The following GK variants were observed in gnomAD, a reference collection of about 807,000 sequenced individuals.
GK encodes ATP:glycerol 3-phosphotransferase.
Under a neutral mutation model 56.4 loss-of-function variants are expected in GK, and 9 were observed. That is an observed-to-expected ratio of 0.16 (90% CI 0.10 to 0.28). The LOEUF (loss-of-function observed/expected upper bound fraction) is 0.28, where lower values mean the gene tolerates loss of function less well. GK is among the 10% of genes least tolerant of loss of function. GK has a pLI of 1.00. For missense variants in GK, 161 were observed against 431.4 expected, an observed-to-expected ratio of 0.37 and a Z score of 5.55; for synonymous variants, 104 against 144.1, an observed-to-expected ratio of 0.72 and a Z score of 1.99.
chrX:30,675,487 G>A (rs1052726780), intron 3 of GK, among the ~76,000 whole-genome samples: 7 of 105,617 alleles, frequency 6.6e-5, no homozygotes, highest in African/African-American at 1.4e-4. Flanking sequence ...GTGAGCCACC[G>A]CACCCGGCCA....
intron 4 of GK, among the ~76,000 whole-genome samples, chrX:30,688,850 T>A: frequency 8.9e-6 from 1 of 112,215 alleles, no homozygotes; most frequent in East Asian, 2.8e-4. Context: ...GAATGTTATG[T>A]CCATTAAAAT....
intron 4 of GK, chrX:30,687,595 C>T: frequency 2.9e-6 from 1 of 342,193 alleles, no homozygotes; most frequent in Non-Finnish European, 5.9e-6. Flanking sequence ...CTCTTCAGTT[C>T]CAGCTCCTGG....
intron 18 of GK, 191 bp from the exon 19 acceptor site, chrX:30,723,906 CCAAG>C (rs1937022643): frequency 2.2e-6 from 1 of 454,218 alleles, no homozygotes; most frequent in Admixed American, 3.2e-5. Flanking sequence ...ACTCCAACTT[CCAAG>C]CAAGCATGTC....
At chrX:30,708,390 A>G (rs1346079064) in intron 13 of GK, among the ~76,000 whole-genome samples, 2 of 106,985 alleles carry the variant, frequency 1.9e-5, no homozygotes, top group African/African-American at 6.9e-5. Context: ...TGAGAGCTCT[A>G]CAATGTAAGG....
intron 4 of GK, among the ~76,000 whole-genome samples, chrX:30,678,739 T>A (rs1048606957): frequency 1.0e-5 from 1 of 97,497 alleles, no homozygotes; most frequent in African/African-American, 3.8e-5. Flanking sequence ...CAGGCTGGGG[T>A]GCAATGACAC....
At chrX:30,699,252 TATACATGTTATGTATA>T (rs1935466628) in intron 9 of GK, among the ~76,000 whole-genome samples, 2 of 100,378 alleles carry the variant, frequency 2.0e-5, no homozygotes, top group Non-Finnish European at 4.0e-5. Flanking sequence ...ACATGTTATA[TATACATGTTATGTATA>T]ACATGTATAT....
At chrX:30,700,257 A>G in intron 9 of GK, 157 bp from the exon 10 acceptor site, 1 of 436,588 alleles carries the variant, frequency 2.3e-6, no homozygotes, top group Non-Finnish European at 4.0e-6. Flanking sequence ...TACTTGTAGT[A>G]TCTGTCTCTT....
intron 9 of GK, chrX:30,699,961 C>T (rs1935555488): frequency 1.7e-5 from 2 of 115,147 alleles, no homozygotes; most frequent in African/African-American, 6.5e-5. Context: ...TAAAATATGG[C>T]CTTGCAAAAT....
intron 4 of GK, among the ~76,000 whole-genome samples, chrX:30,680,192 C>T (rs893153187): frequency 1.8e-5 from 2 of 111,262 alleles, no homozygotes; most frequent in Non-Finnish European, 3.8e-5. Flanking sequence ...GAACTAGCAG[C>T]GATAATAATA....
At chrX:30,691,633 C>A (rs1206217371) in intron 5 of GK, among the ~76,000 whole-genome samples, 2 of 108,915 alleles carry the variant, frequency 1.8e-5, no homozygotes, top group East Asian at 5.7e-4. Context: ...CCACCATGCC[C>A]GGCTAATTTT....
intron 20 of GK, 100 bp downstream of exon 20, chrX:30,727,652 C>G (rs1025989202): frequency 3.6e-6 from 2 of 555,795 alleles, no homozygotes; most frequent in Admixed American, 5.7e-5. Context: ...CTTTCTGTGT[C>G]TAGGAAGCTG....
At chrX:30,662,148 A>AGT (rs1344527656) in intron 1 of GK, among the ~76,000 whole-genome samples, 1 of 56,410 alleles carries the variant, frequency 1.8e-5, no homozygotes, top group African/African-American at 1.1e-4. Flanking sequence ...GTAGACTGTA[A>AGT]GTGTAAAATA....
chrX:30,697,707 TCTC>T, intron 8 of GK, 22 bp from the exon 9 acceptor site: 1 of 1,102,388 alleles, frequency 9.1e-7, no homozygotes, highest in Non-Finnish European at 1.3e-6. Context: ...CTTCTATCCT[TCTC>T]TCTCCCCCTT....
intron 1 of GK, among the ~76,000 whole-genome samples, chrX:30,658,868 A>C (rs1386729856): frequency 8.9e-6 from 1 of 112,644 alleles, no homozygotes; most frequent in Non-Finnish European, 1.9e-5. Flanking sequence ...ATGAACCAAC[A>C]TTAGCAGCAA....
At chrX:30,684,404 G>C (rs1934463126) in intron 4 of GK, among the ~76,000 whole-genome samples, 2 of 112,039 alleles carry the variant, frequency 1.8e-5, no homozygotes, top group South Asian at 7.3e-4. Context: ...GGTGGCTCAC[G>C]CCTATAATCC....
chrX:30,687,089 C>T (rs1934662410), intron 4 of GK, among the ~76,000 whole-genome samples: 1 of 111,206 alleles, frequency 9.0e-6, no homozygotes, highest in African/African-American at 3.3e-5. Flanking sequence ...CCTTTCATGT[C>T]TTAATGTAGA....
At chrX:30,665,605 T>G (rs772232381) in intron 2 of GK, 21 bp downstream of exon 2, 5 of 902,976 alleles carry the variant, frequency 5.5e-6, no homozygotes, top group Non-Finnish European at 8.1e-6. Flanking sequence ...TAATTTAATA[T>G]GTAAAGACAC....
At chrX:30,703,424 A>T (rs988104189) in intron 11 of GK, among the ~76,000 whole-genome samples, 2 of 111,448 alleles carry the variant, frequency 1.8e-5, no homozygotes, top group Non-Finnish European at 3.8e-5. Flanking sequence ...TGTCCCGGTA[A>T]TGAGCACATG....
At chrX:30,703,417 C>G (rs140199837) in intron 11 of GK, among the ~76,000 whole-genome samples, 260 of 111,224 alleles carry the variant, frequency 2.3e-3, no homozygotes, top group African/African-American at 7.9e-3. Flanking sequence ...ACCATAGTGT[C>G]CCGGTAATGA....
Sources: gnomAD v4.1 joint callset for allele counts (sites outside exome capture counted in the v4.1 genomes callset) on GRCh38, gnomAD v4.1.1 for gene constraint, MANE v1.5 for transcripts, NCBI Gene and HGNC (gene_info 2026-07-23, HGNC 2026-07-21) for gene names.